TENM2: variants seen among roughly 807,000 people sequenced by gnomAD.
The protein encoded by TENM2 is teneurin transmembrane protein 2.
A neutral mutation model predicts 245.2 loss-of-function variants in TENM2; 52 were observed. The observed-to-expected ratio is 0.21, with a 90% confidence interval of 0.17 to 0.27. TENM2 has a LOEUF of 0.27. Ranked by LOEUF, TENM2 falls within the 10% of genes least tolerant of loss-of-function variation. The pLI, the probability that TENM2 is intolerant of heterozygous loss-of-function variation, is 1.00. For synonymous variants in TENM2, 1,363 were observed against 1,438.9 expected, an observed-to-expected ratio of 0.95 and a Z score of 1.19; for missense variants, 3,046 against 3,666.8, an observed-to-expected ratio of 0.83 and a Z score of 4.37.
chr5:167,746,812 G>A (rs1316869521), intron 2 of TENM2, among the ~76,000 whole-genome samples: 1 of 151,988 alleles, frequency 6.6e-6, no homozygotes, highest in Non-Finnish European at 1.5e-5. Flanking sequence ...CTGCAGATAT[G>A]TGTGTGTGTG....
chr5:167,722,274 A>C (rs1344133306), intron 2 of TENM2, among the ~76,000 whole-genome samples: 2 of 152,196 alleles, frequency 1.3e-5, no homozygotes, highest in Non-Finnish European at 2.9e-5. Context: ...TTTGAACTCC[A>C]TCAGAGATAA....
chr5:167,269,110 C>T, the TENM2 span, among the ~76,000 whole-genome samples: 1 of 151,824 alleles, frequency 6.6e-6, no homozygotes. Flanking sequence ...ATTTTTTTGA[C>T]AAAGCAGGAA....
chr5:167,062,773 T>C, the TENM2 span, among the ~76,000 whole-genome samples: 12 of 152,108 alleles, frequency 7.9e-5, no homozygotes, highest in Non-Finnish European at 1.5e-4. Context: ...TAATAGGGTA[T>C]TGTGGTGGAG....
chr5:167,748,048 C>A (rs925123933), intron 2 of TENM2, among the ~76,000 whole-genome samples: 7 of 152,164 alleles, frequency 4.6e-5, no homozygotes, highest in African/African-American at 1.4e-4. Flanking sequence ...ATCCCCACAT[C>A]CTATCAAATC....
At chr5:168,044,951 A>G (rs1438183008) in intron 5 of TENM2, among the ~76,000 whole-genome samples, 1 of 152,002 alleles carries the variant, frequency 6.6e-6, no homozygotes, top group Non-Finnish European at 1.5e-5. Context: ...AAAAGTGCCA[A>G]CAAAAACCTA....
intron 12 of TENM2, among the ~76,000 whole-genome samples, chr5:168,135,183 C>T (rs1348340519): frequency 6.6e-6 from 1 of 152,194 alleles, no homozygotes; most frequent in African/African-American, 2.4e-5. Context: ...TCATTCCTCC[C>T]ACGCTGCAAT....
At chr5:168,256,268 GGCCATGAATATTCAAA>G (rs1485418610) in intron 27 of TENM2, among the ~76,000 whole-genome samples, 2 of 149,972 alleles carry the variant, frequency 1.3e-5, no homozygotes, top group African/African-American at 5.0e-5. Flanking sequence ...AGCAACAGGT[GGCCATGAATATTCAAA>G]GTTGAGAAAC....
chr5:167,173,671 A>G, the TENM2 span, among the ~76,000 whole-genome samples: 778 of 151,870 alleles, frequency 5.1e-3, 10 homozygotes, highest in African/African-American at 0.018. Context: ...CGAGTTTCCC[A>G]AAAGAGAATT....
chr5:167,663,118 A>C (rs1582686106), intron 2 of TENM2, among the ~76,000 whole-genome samples: 1 of 151,286 alleles, frequency 6.6e-6, no homozygotes, highest in East Asian at 2.0e-4. Context: ...TTAGAGATAG[A>C]GAGACAGAGA....
chr5:167,740,466 C>G (rs984013143), intron 2 of TENM2, among the ~76,000 whole-genome samples: 1 of 152,150 alleles, frequency 6.6e-6, no homozygotes, highest in African/African-American at 2.4e-5. Context: ...CACTACTTCC[C>G]TTCAATTTCC....
chr5:167,701,397 G>GTT (rs77173033), intron 2 of TENM2, among the ~76,000 whole-genome samples: 1 of 144,808 alleles, frequency 6.9e-6, no homozygotes, highest in Admixed American at 6.9e-5. Flanking sequence ...TTGGGTGTTT[G>GTT]TTTTTTTTTT....
At chr5:167,808,236 T>C (rs1766373346) in intron 2 of TENM2, among the ~76,000 whole-genome samples, 1 of 152,194 alleles carries the variant, frequency 6.6e-6, no homozygotes, top group Non-Finnish European at 1.5e-5. Context: ...TGATAATTTA[T>C]ATGACATGGA....
At chr5:167,066,018 C>T in the TENM2 span, among the ~76,000 whole-genome samples, 1 of 152,176 alleles carries the variant, frequency 6.6e-6, no homozygotes, top group Non-Finnish European at 1.5e-5. Context: ...GGTCCACTCA[C>T]TTGATCTCTT....
At position 168,022,209 on chromosome 5, in the gene TENM2, G is replaced by A. The variant is rs186150047; in HGVS notation, c.1187-25218G>A. 1.9e-3 allele frequency among the ~76,000 whole-genome samples: 290 copies of A among 152,326 alleles called. 1 individual carries two copies. The highest frequency in any genetic ancestry group is 6.7e-3 in the African/African-American group (278 of 41,578). On this transcript the variant is annotated intron_variant, in intron 5 of 28. Coordinates refer to ENST00000518659, the Ensembl canonical transcript of TENM2. Reference sequence around the variant, plus strand: ...CCGTGCCGGGGGCTGGGGATGCAGCGCAGAGAAGAGCAGCCGGGAGCTCCG... The same window carrying A: ...CCGTGCCGGGGGCTGGGGATGCAGCACAGAGAAGAGCAGCCGGGAGCTCCG...
chr5:167,945,236 G>A (rs1223202019), intron 3 of TENM2, among the ~76,000 whole-genome samples: 1 of 152,150 alleles, frequency 6.6e-6, no homozygotes, highest in Non-Finnish European at 1.5e-5. Context: ...TGATCTAGTG[G>A]AGAGCACAGG....
intron 13 of TENM2, among the ~76,000 whole-genome samples, chr5:168,177,208 A>G (rs13153393): frequency 0.084 from 12,797 of 152,274 alleles, 673 homozygotes; most frequent in Middle Eastern, 0.14. Flanking sequence ...CCCACCCACC[A>G]GCAGCTGCCC....
intron 2 of TENM2, among the ~76,000 whole-genome samples, chr5:167,686,551 G>A (rs1309425150): frequency 1.3e-5 from 2 of 152,102 alleles, no homozygotes; most frequent in African/African-American, 2.4e-5. Flanking sequence ...AAATAGAAAG[G>A]CAGGTAGGGC....
chr5:167,673,448 G>A (rs1269615389), intron 2 of TENM2, among the ~76,000 whole-genome samples: 1 of 152,040 alleles, frequency 6.6e-6, no homozygotes, highest in African/African-American at 2.4e-5. Context: ...GAAGTTCTCT[G>A]AAACATCATT....
the TENM2 span, among the ~76,000 whole-genome samples, chr5:167,019,884 T>G: frequency 6.6e-6 from 1 of 152,154 alleles, no homozygotes; most frequent in Non-Finnish European, 1.5e-5. Flanking sequence ...GGAAAAATAA[T>G]CTTATTTAGT....
Sources: gnomAD v4.1 joint callset for allele counts (sites outside exome capture counted in the v4.1 genomes callset) on GRCh38, gnomAD v4.1.1 for gene constraint, MANE v1.5 for transcripts, NCBI Gene and HGNC (gene_info 2026-07-23, HGNC 2026-07-21) for gene names.